The following FHIP1A variants were observed in gnomAD, a reference collection of about 807,000 sequenced individuals.
The protein encoded by FHIP1A is FHF complex subunit HOOK-interacting protein 1A.
A neutral mutation model predicts 88.6 loss-of-function variants in FHIP1A; 61 were observed. The ratio of observed to expected loss-of-function variants is 0.69; its 90% CI spans 0.56 to 0.85. FHIP1A has a LOEUF of 0.85. Ranked by LOEUF, FHIP1A falls within the 40% of genes least tolerant of loss-of-function variation. The pLI is 0.00. For missense variants in FHIP1A, 1,154 were observed against 1,273.5 expected (o/e 0.91, Z 1.43); for synonymous variants, 478 against 496.0 (o/e 0.96, Z 0.48).
chr4:151,425,840 C>G (rs527585319), intron 1 of FHIP1A, among the ~76,000 whole-genome samples: 33 of 152,236 alleles, frequency 2.2e-4, no homozygotes, highest in African/African-American at 7.9e-4. Context: ...TGTCTAATTT[C>G]TTTCTGCCTT....
At chr4:151,625,624 G>A (rs1735924730) in intron 7 of FHIP1A, among the ~76,000 whole-genome samples, 1 of 152,188 alleles carries the variant, frequency 6.6e-6, no homozygotes, top group African/African-American at 2.4e-5. Context: ...TGATGGCTGG[G>A]TTTGGTTCTG....
chr4:151,614,410 A>C (rs945226970), intron 7 of FHIP1A, among the ~76,000 whole-genome samples: 2 of 151,180 alleles, frequency 1.3e-5, no homozygotes, highest in East Asian at 3.9e-4. Flanking sequence ...TCGAGGCTAC[A>C]GTAAGCGGTG....
At chr4:151,639,142 A>G (rs1278699131) in intron 9 of FHIP1A, among the ~76,000 whole-genome samples, 1 of 152,230 alleles carries the variant, frequency 6.6e-6, no homozygotes, top group Non-Finnish European at 1.5e-5. Flanking sequence ...CCAAATATAA[A>G]GTGCTTTTGA....
chr4:151,434,557 C>A (rs147548109), intron 1 of FHIP1A, among the ~76,000 whole-genome samples: 1 of 152,136 alleles, frequency 6.6e-6, no homozygotes, highest in Non-Finnish European at 1.5e-5. Flanking sequence ...CCAGTTAACT[C>A]TGCCTCTTGG....
intron 9 of FHIP1A, among the ~76,000 whole-genome samples, chr4:151,640,563 G>A (rs1474360310): frequency 3.3e-5 from 5 of 152,180 alleles, no homozygotes; most frequent in East Asian, 3.8e-4. Context: ...TGGCAAAGCC[G>A]TTTTTAGTGC....
At chr4:151,517,679 A>G (rs1020402543) in intron 3 of FHIP1A, among the ~76,000 whole-genome samples, 1 of 152,134 alleles carries the variant, frequency 6.6e-6, no homozygotes, top group African/African-American at 2.4e-5. Context: ...CCCTAAGATT[A>G]TAATGGACCT....
intron 7 of FHIP1A, among the ~76,000 whole-genome samples, chr4:151,628,356 A>C (rs1449299701): frequency 1.3e-5 from 2 of 152,198 alleles, no homozygotes; most frequent in Admixed American, 1.3e-4. Flanking sequence ...GCTGAGCACC[A>C]ATAACTTTTT....
chr4:151,477,977 A>C (rs1043232690), intron 2 of FHIP1A, among the ~76,000 whole-genome samples: 1 of 152,294 alleles, frequency 6.6e-6, no homozygotes, highest in African/African-American at 2.4e-5. Flanking sequence ...AGTCCTAGAC[A>C]TGCAAACATT....
chr4:151,449,390 A>T (rs1050447264), intron 1 of FHIP1A, among the ~76,000 whole-genome samples: 11 of 151,818 alleles, frequency 7.2e-5, no homozygotes, highest in Middle Eastern at 3.4e-3. Context: ...TAAAATTAAA[A>T]TTTTTTTTAA....
chr4:151,551,113 T>G (rs1166238425), intron 3 of FHIP1A, among the ~76,000 whole-genome samples: 1 of 152,156 alleles, frequency 6.6e-6, no homozygotes, highest in Non-Finnish European at 1.5e-5. Flanking sequence ...AACTTTTTGG[T>G]CCTGGAGGGA....
chr4:151,656,329 C>T lies in FHIP1A; in HGVS notation c.2649C>T (p.Ala883=). 1 of 1,551,634 alleles carries T rather than the reference C, an allele frequency of 6.4e-7. No homozygotes were observed. The highest frequency in any genetic ancestry group is 8.7e-7 in the Non-Finnish European group (1 of 1,146,966). The change falls in exon 12 of 14, where the codon GCC becomes GCT. Residue 883 remains alanine (A), a synonymous_variant. Transcript: ENST00000435205. This position sits in a 1 kb window ranked among gnomAD's most constrained non-coding sequence, Gnocchi z 4.2. ...LLLIGIITQL[A]SYPQPLLRSF... is the part of the protein sequence containing the mutation. ...TTATCGGGATCATTACTCAGCTAGC[C>T]AGCTACCCCCAGCCACTCCTGCGCT...
At chr4:151,455,972 T>C (rs1262360850) in intron 2 of FHIP1A, among the ~76,000 whole-genome samples, 2 of 152,200 alleles carry the variant, frequency 1.3e-5, no homozygotes, top group Non-Finnish European at 2.9e-5. Context: ...ATTTAATATT[T>C]TCCTGTTCTA....
At chr4:151,449,546 C>T (rs775721252) in intron 1 of FHIP1A, among the ~76,000 whole-genome samples, 5 of 151,998 alleles carry the variant, frequency 3.3e-5, no homozygotes, top group Non-Finnish European at 5.9e-5. Flanking sequence ...CATTCAAAAA[C>T]CTCTCTCCTA....
chr4:151,499,050 A>C (rs1174404675), intron 3 of FHIP1A, among the ~76,000 whole-genome samples: 1 of 152,214 alleles, frequency 6.6e-6, no homozygotes, highest in Non-Finnish European at 1.5e-5. Context: ...CCTGGTTCTC[A>C]TTTAGAGGTG....
At position 151,504,032 on chromosome 4, in the gene FHIP1A, A is replaced by G. The variant is rs972288291; in HGVS notation, c.-123+21384A>G. The stretch of plus-strand genomic sequence containing the variant: ...CTTGTTATATGGTCATATTTGTACA[A>G]ACAATAGCCCAAAGAGAAAACTTCC... On this transcript the variant is annotated intron_variant, in intron 3 of 13. Transcript: ENST00000435205. Among the ~76,000 whole-genome samples the G allele has an allele frequency of 2.0e-5, 3 of 152,260 alleles. No individual in the cohort carries two copies. The South Asian group carries it at 6.2e-4, about 32-fold the overall frequency.
Position 151,650,267 on chromosome 4 carries a change from A to G in FHIP1A, c.2226A>G (p.Thr742=), listed in dbSNP as rs1736974611. The G allele has an allele frequency of 1.3e-6, 2 of 1,551,632 alleles. No individual in the cohort carries two copies. The highest frequency in any genetic ancestry group is 1.7e-4 in the Middle Eastern group (1 of 6,014). Residue 742 remains threonine, a synonymous_variant, in exon 11 of 14, where the codon ACA becomes ACG. Coordinates refer to ENST00000435205, the MANE Select transcript of FHIP1A (RefSeq NM_001109977.3). ...AGGCAGAGCACAGCTCTAACCTGAC[A>G]GCCGCCCACCCGGAGAGCGAGGAGC... The part of the protein sequence containing the change: ...APEAEHSSNL[T]AAHPESEELI...
At chr4:151,483,943 G>A (rs1283828582) in intron 3 of FHIP1A, among the ~76,000 whole-genome samples, 4 of 152,140 alleles carry the variant, frequency 2.6e-5, no homozygotes, top group Non-Finnish European at 5.9e-5. Context: ...TTTAGACTAA[G>A]ATTTAATAAT....
At chr4:151,576,036 T>C (rs1733777679) in intron 4 of FHIP1A, among the ~76,000 whole-genome samples, 1 of 152,228 alleles carries the variant, frequency 6.6e-6, no homozygotes, top group South Asian at 2.1e-4. Flanking sequence ...CGTATGTGTA[T>C]ATTTTCAAGG....
At chr4:151,427,459 T>C (rs1733425612) in intron 1 of FHIP1A, among the ~76,000 whole-genome samples, 2 of 152,240 alleles carry the variant, frequency 1.3e-5, no homozygotes, top group South Asian at 2.1e-4. Flanking sequence ...CCCAGCTCCT[T>C]CTTTATGTTT....
Sources: gnomAD v4.1 joint callset for allele counts (sites outside exome capture counted in the v4.1 genomes callset) on GRCh38, gnomAD v4.1.1 for gene constraint, Gnocchi (gnomAD v3.1) non-coding constraint, MANE v1.5 for transcripts, NCBI Gene and HGNC (gene_info 2026-07-23, HGNC 2026-07-21) for gene names.